The following PDE3B variants were observed in gnomAD, a reference collection of about 807,000 sequenced individuals.
The protein encoded by PDE3B is phosphodiesterase 3B.
PDE3B carries 66 observed loss-of-function variants against 116.8 expected under a neutral mutation model. That is an observed-to-expected ratio of 0.56 (90% CI 0.46 to 0.69). The LOEUF is 0.69. Ranked by LOEUF, PDE3B falls within the 30% of genes least tolerant of loss-of-function variation. The pLI, the probability that PDE3B is intolerant of heterozygous loss-of-function variation, is 0.00. For synonymous variants in PDE3B, 595 were observed against 533.6 expected, an observed-to-expected ratio of 1.12 and a Z score of -1.59; for missense variants, 1,384 against 1,368.1, an observed-to-expected ratio of 1.01 and a Z score of -0.18.
At chr11:14,810,996 C>A (rs1859109128) in intron 5 of PDE3B, among the ~76,000 whole-genome samples, 2 of 151,766 alleles carry the variant, frequency 1.3e-5, no homozygotes, top group Admixed American at 1.3e-4. Context: ...ATGTCCTTTG[C>A]CCACTTGTTG....
At chr11:14,822,917 T>C (rs1014473551) in intron 7 of PDE3B, among the ~76,000 whole-genome samples, 1 of 152,190 alleles carries the variant, frequency 6.6e-6, no homozygotes, top group Non-Finnish European at 1.5e-5. Flanking sequence ...AGGGGTAGGC[T>C]ACCATCTTTG....
At chr11:14,815,594 T>C (rs1859299511) in intron 5 of PDE3B, among the ~76,000 whole-genome samples, 1 of 152,174 alleles carries the variant, frequency 6.6e-6, no homozygotes, top group Admixed American at 6.5e-5. Flanking sequence ...GAAGAATCTC[T>C]AGAGTGAGTC....
rs571328882 is a variant in PDE3B at position 14,818,691 on chromosome 11, A to G, written c.1733+298A>G. Among the ~76,000 whole-genome samples the G allele has an allele frequency of 2.0e-4, 31 of 152,020 alleles. No homozygotes were observed. In the South Asian group the frequency reaches 6.2e-3, roughly 31 times the overall value. ...GGATTCAGCCTATATTCTTTTCCTT[A>G]TTTATCTAGTAGTTTTTATTCTAAA... On this transcript the variant is annotated intron_variant, in intron 6 of 15. Transcript: ENST00000282096.
intron 2 of PDE3B, among the ~76,000 whole-genome samples, 189 bp from the exon 3 acceptor site, chr11:14,786,248 T>A (rs1236329949): frequency 6.6e-6 from 1 of 152,022 alleles, no homozygotes; most frequent in Non-Finnish European, 1.5e-5. Context: ...AGTCATAAGG[T>A]AATTCAGTGT....
rs912917268 is a variant in PDE3B, at chr11:14,708,899, G to T, written c.979-63038G>T. Among the ~76,000 whole-genome samples, 5 of 152,044 alleles carry T rather than the reference G, an allele frequency of 3.3e-5. No individual in the cohort carries two copies. In the South Asian group the frequency reaches 1.0e-3, roughly 32 times the overall value. On this transcript the variant is annotated intron_variant, in intron 1 of 15. Coordinates refer to ENST00000282096, the MANE Select transcript of PDE3B (RefSeq NM_000922.4). ...AGTTCTATGCACTAATCTTATTTTT[G>T]CACCTCTTCTGTAAGTTTAAAATTA...
intron 1 of PDE3B, among the ~76,000 whole-genome samples, chr11:14,766,543 A>G (rs1266615084): frequency 6.6e-6 from 1 of 151,668 alleles, no homozygotes; most frequent in African/African-American, 2.4e-5. Context: ...AGTTTTTCCA[A>G]AGCACACTGA....
chr11:14,709,111 G>T (rs559888232), intron 1 of PDE3B, among the ~76,000 whole-genome samples: 33 of 152,012 alleles, frequency 2.2e-4, no homozygotes, highest in Non-Finnish European at 4.6e-4. Context: ...TTTGAATCTA[G>T]AGGTAGAAAA....
At chr11:14,722,321 AG>A (rs1201801984) in intron 1 of PDE3B, among the ~76,000 whole-genome samples, 2 of 152,192 alleles carry the variant, frequency 1.3e-5, no homozygotes, top group African/African-American at 2.4e-5. Flanking sequence ...TAAAAAAAAA[AG>A]AAAAGGGGAA....
chr11:14,879,422 T>G, the PDE3B span: 1 of 1,603,412 alleles, frequency 6.2e-7, no homozygotes, highest in Non-Finnish European at 8.5e-7. Flanking sequence ...CATAATTAAA[T>G]CAATCTCTTT....
intron 11 of PDE3B, among the ~76,000 whole-genome samples, chr11:14,840,083 C>G (rs1277146304): frequency 6.6e-5 from 10 of 152,154 alleles, no homozygotes; most frequent in African/African-American, 1.7e-4. Context: ...CAACCCAGAG[C>G]AAGAGAAGCA....
At chr11:14,727,420 T>C (rs1331726680) in intron 1 of PDE3B, among the ~76,000 whole-genome samples, 1 of 152,126 alleles carries the variant, frequency 6.6e-6, no homozygotes, top group African/African-American at 2.4e-5. Flanking sequence ...TTCCTCAAGA[T>C]CATATAGTTC....
At chr11:14,655,920 C>T (rs1853705120) in intron 1 of PDE3B, among the ~76,000 whole-genome samples, 2 of 152,114 alleles carry the variant, frequency 1.3e-5, no homozygotes, top group Admixed American at 6.5e-5. Context: ...TATTGAATGC[C>T]ATCCTAAACT....
chr11:14,891,867 C>A, the PDE3B span: 1 of 1,410,430 alleles, frequency 7.1e-7, no homozygotes, highest in Non-Finnish European at 9.4e-7. Context: ...AGCCGGCACA[C>A]GGAGAGGTCC....
At chr11:14,785,713 AT>A (rs1459216966) in intron 2 of PDE3B, among the ~76,000 whole-genome samples, 1 of 151,894 alleles carries the variant, frequency 6.6e-6, no homozygotes, top group Non-Finnish European at 1.5e-5. Context: ...AAATTAAAAA[AT>A]TTTTTTCTAC....
chr11:14,814,825 G>C (rs1859266671), intron 5 of PDE3B, among the ~76,000 whole-genome samples: 1 of 152,124 alleles, frequency 6.6e-6, no homozygotes, highest in East Asian at 1.9e-4. Flanking sequence ...AGCTGGGCGT[G>C]GTGGCGGGCA....
At position 14,643,969 on chromosome 11, in the gene PDE3B, C is replaced by G. The variant is rs1461494835; in HGVS notation, c.-107C>G. On this transcript the variant is annotated 5_prime_UTR_variant, in exon 1 of 16. Transcript: ENST00000282096. ...CGGCCGGCGCAGCCCTGACGGGTTG[C>G]GAACCAGGGGGCGCCCCGAACGCGG... The G allele has an allele frequency of 5.1e-6, 7 of 1,369,818 alleles. No homozygotes were observed. The highest frequency in any genetic ancestry group is 6.6e-6 in the Non-Finnish European group (7 of 1,068,310). The allele number at this position is 1,369,818 out of a possible 1,614,324, so 84.9% of individuals were successfully genotyped here.
At chr11:14,829,668 C>G (rs374958366) in intron 7 of PDE3B, among the ~76,000 whole-genome samples, 7 of 151,910 alleles carry the variant, frequency 4.6e-5, no homozygotes, top group African/African-American at 1.7e-4. Context: ...AAGAGGAGAA[C>G]AACAGATACT....
chr11:14,808,717 T>C (rs547087810), intron 5 of PDE3B, among the ~76,000 whole-genome samples: 1 of 152,336 alleles, frequency 6.6e-6, no homozygotes, highest in East Asian at 1.9e-4. Flanking sequence ...TTTATTTCTA[T>C]ATGCTAACAT....
intron 1 of PDE3B, among the ~76,000 whole-genome samples, chr11:14,754,570 T>G (rs1857135723): frequency 6.6e-6 from 1 of 152,184 alleles, no homozygotes; most frequent in Non-Finnish European, 1.5e-5. Flanking sequence ...TTTATCTATT[T>G]TATACATATA....
Sources: gnomAD v4.1 joint callset for allele counts (sites outside exome capture counted in the v4.1 genomes callset) on GRCh38, gnomAD v4.1.1 for gene constraint, MANE v1.5 for transcripts, NCBI Gene and HGNC (gene_info 2026-07-23, HGNC 2026-07-21) for gene names.